The following DROSHA variants were observed in gnomAD, a reference collection of about 807,000 sequenced individuals.
DROSHA encodes drosha ribonuclease III.
A neutral mutation model predicts 181.9 loss-of-function variants in DROSHA; 56 were observed. The ratio of observed to expected loss-of-function variants is 0.31; its 90% CI spans 0.25 to 0.38. DROSHA has a LOEUF of 0.38. Ranked by LOEUF, DROSHA falls within the 10% of genes least tolerant of loss-of-function variation. The pLI, the probability that DROSHA is intolerant of heterozygous loss-of-function variation, is 1.00. For synonymous variants in DROSHA, 524 were observed against 591.2 expected, an observed-to-expected ratio of 0.89 and a Z score of 1.65; for missense variants, 1,218 against 1,743.5, an observed-to-expected ratio of 0.70 and a Z score of 5.37.
At chr5:31,510,885 C>A in intron 9 of DROSHA, 150 bp downstream of exon 9, 1 of 959,544 alleles carries the variant, frequency 1.0e-6, no homozygotes, top group Non-Finnish European at 1.5e-6. Context: ...GAAGGAAGTT[C>A]TACTGCTATG....
chr5:31,433,896 AT>A (rs1284672976), intron 25 of DROSHA, among the ~76,000 whole-genome samples: 6 of 152,180 alleles, frequency 3.9e-5, no homozygotes, highest in African/African-American at 1.4e-4. Flanking sequence ...GCTACTGTTT[AT>A]GTTTTAAAAT....
At chr5:31,405,789 T>TTC (rs1740580727) in intron 34 of DROSHA, 66 bp from the exon 35 acceptor site, 2 of 1,191,688 alleles carry the variant, frequency 1.7e-6, no homozygotes. Context: ...TTTTTTTTTT[T>TTC]TTCAAAAAAT....
intron 16 of DROSHA, among the ~76,000 whole-genome samples, chr5:31,480,822 A>T (rs1005197679): frequency 6.6e-6 from 1 of 152,192 alleles, no homozygotes; most frequent in Non-Finnish European, 1.5e-5. Context: ...AGCCTCATGG[A>T]ACTCACCACT....
chr5:31,491,645 C>T (rs1189456722), intron 13 of DROSHA, among the ~76,000 whole-genome samples: 8 of 150,626 alleles, frequency 5.3e-5, no homozygotes, highest in African/African-American at 2.0e-4. Context: ...GAGTAATCAA[C>T]TCTAAGGCTA....
At chr5:31,484,825 TA>T in intron 15 of DROSHA, 55 bp downstream of exon 15, 1 of 1,258,312 alleles carries the variant, frequency 7.9e-7, no homozygotes, top group South Asian at 1.4e-5. Context: ...AGTTTTCACA[TA>T]TACCATAATG....
Position 31,521,048 on chromosome 5 carries a change from T to TGCTC in DROSHA, c.947+71_947+74dup, listed in dbSNP as rs1398228567. On this transcript the variant is annotated intron_variant, in intron 6 of 35. Coordinates refer to ENST00000344624, the MANE Select transcript of DROSHA (RefSeq NM_001382508.1). ...GAGGCCATTATGAAGACTTGGCTGT[T>TGCTC]GCTCCATACAAGCACAAAATCTGAA... The TGCTC allele has an allele frequency of 6.9e-6, 10 of 1,453,762 alleles. No individual in the cohort carries two copies. The Admixed American group carries it at 1.5e-4, about 22-fold the overall frequency. The allele number at this position is 1,453,762 out of a possible 1,614,324, so 90.1% of individuals were successfully genotyped here. A position where few individuals can be genotyped will look rare whatever the true frequency, so the allele number is the denominator to read the frequency against.
intron 6 of DROSHA, among the ~76,000 whole-genome samples, chr5:31,518,870 C>G (rs1473087081): frequency 1.3e-5 from 2 of 152,230 alleles, no homozygotes; most frequent in Admixed American, 6.5e-5. Flanking sequence ...AAGACATCCT[C>G]ACCCATCCTT....
chr5:31,422,865 A>G lies in DROSHA; in HGVS notation c.3341T>C (p.Ile1114Thr), dbSNP rs776736153. The G allele has an allele frequency of 3.2e-5, 51 of 1,613,504 alleles. No homozygotes were observed. Among genetic ancestry groups the G allele is most frequent in the African/African-American group, 1.3e-5 (1 of 74,916 alleles). ...TCGAACATGAGTAAAAATTACTCCA[A>G]TTGCTTCTTCAAACTCAGTAAGTTT... The part of the protein sequence containing the change: ...LQKLTEFEEA[I>T]GVIFTHVRLL... Residue 1114 changes from isoleucine to threonine, a missense_variant, in exon 29 of 36, where the codon ATT (isoleucine) becomes ACT (threonine). Ile to Thr is a moderately conservative substitution (Grantham distance 89). Coordinates refer to ENST00000344624, the MANE Select transcript of DROSHA (RefSeq NM_001382508.1).
At chr5:31,416,289 C>T (rs1038065984) in intron 30 of DROSHA, among the ~76,000 whole-genome samples, 1 of 152,156 alleles carries the variant, frequency 6.6e-6, no homozygotes, top group African/African-American at 2.4e-5. Flanking sequence ...CCGCTTCTTC[C>T]CTTATATATA....
chr5:31,478,691 ACCACCGCACT>A (rs1219952025), intron 16 of DROSHA, among the ~76,000 whole-genome samples: 1 of 152,134 alleles, frequency 6.6e-6, no homozygotes, highest in Non-Finnish European at 1.5e-5. Context: ...CCGAGATGGC[ACCACCGCACT>A]CCACCCTGGG....
At chr5:31,483,923 CAA>C (rs1032189384) in intron 15 of DROSHA, among the ~76,000 whole-genome samples, 2 of 152,096 alleles carry the variant, frequency 1.3e-5, no homozygotes, top group Non-Finnish European at 2.9e-5. Context: ...TCAAAACTAT[CAA>C]GACTTATTAT....
At chr5:31,524,480 A>G (rs535432754) in intron 5 of DROSHA, among the ~76,000 whole-genome samples, 3 of 152,358 alleles carry the variant, frequency 2.0e-5, no homozygotes, top group African/African-American at 7.2e-5. Context: ...ACTACTGGGG[A>G]AAGAAAGAGA....
chr5:31,515,352 T>G, intron 7 of DROSHA, 102 bp downstream of exon 7: 1 of 1,123,210 alleles, frequency 8.9e-7, no homozygotes, highest in East Asian at 2.5e-5. Context: ...GTACTTTTGT[T>G]AAACCAGTGA....
chr5:31,418,206 CTA>C (rs1337585764), intron 30 of DROSHA, among the ~76,000 whole-genome samples: 3 of 151,252 alleles, frequency 2.0e-5, no homozygotes, highest in African/African-American at 4.9e-5. Flanking sequence ...CACTGTAACT[CTA>C]TGTGTGTGTG....
chr5:31,477,391 G>C (rs1190922045), intron 16 of DROSHA, among the ~76,000 whole-genome samples: 1 of 152,134 alleles, frequency 6.6e-6, no homozygotes, highest in Non-Finnish European at 1.5e-5. Flanking sequence ...GCGTTTCTGT[G>C]TCTTCTGGAT....
chr5:31,493,155 G>T (rs1041226481), intron 13 of DROSHA, 52 bp downstream of exon 13: 1 of 1,524,280 alleles, frequency 6.6e-7, no homozygotes, highest in Non-Finnish European at 9.0e-7. Flanking sequence ...TGGAAAGAAG[G>T]GATGAAGGAG....
At position 31,526,705 on chromosome 5, in the gene DROSHA, T is replaced by C; in HGVS notation, c.228A>G (p.Pro76=). 1.3e-6 allele frequency: 2 copies of C among 1,542,734 alleles called. No individual in the cohort carries two copies. The highest frequency in any genetic ancestry group is 1.7e-6 in the Non-Finnish European group (2 of 1,148,698). ...SPAPNFLPPR[P]DFVPFPPPMP... ...TGGGTGGGGGGAAGGGTACAAAGTCTGGTCGTGGAGGGAGAAAATTGGGGG... is the reference window on the plus strand; with the variant it reads ...TGGGTGGGGGGAAGGGTACAAAGTCCGGTCGTGGAGGGAGAAAATTGGGGG... The change falls in exon 5 of 36, where the codon CCA becomes CCG. Residue 76 remains proline, a synonymous_variant. Transcript: ENST00000344624.
chr5:31,477,640 A>G (rs1750551790), intron 16 of DROSHA, among the ~76,000 whole-genome samples: 1 of 152,194 alleles, frequency 6.6e-6, no homozygotes, highest in Non-Finnish European at 1.5e-5. Flanking sequence ...GTCAATTTGC[A>G]AAACTGATTC....
intron 6 of DROSHA, among the ~76,000 whole-genome samples, chr5:31,518,902 T>A (rs1386224697): frequency 6.6e-6 from 1 of 152,230 alleles, no homozygotes; most frequent in African/African-American, 2.4e-5. Flanking sequence ...TTGTGAATGA[T>A]GTAATGAATG....
Sources: gnomAD v4.1 joint callset for allele counts (sites outside exome capture counted in the v4.1 genomes callset) on GRCh38, gnomAD v4.1.1 for gene constraint, MANE v1.5 for transcripts, NCBI Gene and HGNC (gene_info 2026-07-23, HGNC 2026-07-21) for gene names.